Variants in WDR1 observed in about 807,000 individuals in gnomAD.
The protein encoded by WDR1 is WD repeat domain 1, also known as WD repeat-containing protein 1.
WDR1 carries 21 observed loss-of-function variants against 71.9 expected under a neutral mutation model. The observed-to-expected ratio is 0.29, with a 90% CI of 0.21 to 0.42. The LOEUF (loss-of-function observed/expected upper bound fraction) is 0.42. Among genes scored for constraint, WDR1 ranks in the 10% least tolerant of loss-of-function variants. WDR1 has a pLI of 1.00. For synonymous variants in WDR1, 424 were observed against 347.4 expected, an observed-to-expected ratio of 1.22 and a Z score of -2.45; for missense variants, 696 against 824.5, an observed-to-expected ratio of 0.84 and a Z score of 1.91.
At chr4:10,087,306 C>T (rs1334196994) in intron 8 of WDR1, among the ~76,000 whole-genome samples, 3 of 152,274 alleles carry the variant, frequency 2.0e-5, no homozygotes, top group Admixed American at 6.5e-5. Flanking sequence ...AGCGATGCCC[C>T]GTCACCTGCC....
chr4:10,075,848 C>G, intron 14 of WDR1: 1 of 327,620 alleles, frequency 3.1e-6, no homozygotes. Context: ...ACCACACAAA[C>G]AGCTACACTG....
intron 5 of WDR1, chr4:10,091,494 G>A (rs1248643083): frequency 2.6e-5 from 4 of 152,286 alleles, no homozygotes; most frequent in Non-Finnish European, 5.9e-5. Flanking sequence ...ACCAGGCCTG[G>A]AGCAGCGGGT....
intron 3 of WDR1, among the ~76,000 whole-genome samples, chr4:10,099,966 G>T (rs1002171185): frequency 9.9e-5 from 15 of 152,172 alleles, no homozygotes; most frequent in African/African-American, 3.1e-4. Flanking sequence ...CCACGATCCT[G>T]TCACCAAGTA....
rs1361577788 is a variant in WDR1, at chr4:10,074,994, GC to G, written c.*383del. On this transcript the variant is annotated 3_prime_UTR_variant, in exon 15 of 15. Transcript: ENST00000499869. ...AAATGTTCTGCAGGCAGGAACATGA[GC>G]CCCCCGGCTCATTCACCTGTACAAC... is the stretch of plus-strand genomic sequence containing the variant. 2.8e-5 allele frequency: 8 copies of G among 289,236 alleles called. No individual in the cohort carries two copies. Among genetic ancestry groups the G allele is most frequent in the Non-Finnish European group, 4.5e-5 (7 of 154,806 alleles). 17.9% of individuals were successfully genotyped at this position (289,236 alleles called of 1,614,324 possible). A position where few individuals can be genotyped will look rare whatever the true frequency, so the allele number is the denominator to read the frequency against.
chr4:10,116,377 G>A (rs981409379), intron 1 of WDR1, 143 bp from the exon 2 acceptor site: 14 of 1,266,206 alleles, frequency 1.1e-5, no homozygotes, highest in African/African-American at 6.0e-5. Flanking sequence ...ACGAGCGCCA[G>A]GAACCGCGCG....
At chr4:10,116,628 G>T in intron 1 of WDR1, 23 bp downstream of exon 1, 2 of 1,235,542 alleles carry the variant, frequency 1.6e-6, no homozygotes, top group South Asian at 3.1e-5. Context: ...GGCCGCTCGG[G>T]GGCCCCGCGC....
At chr4:10,089,234 G>C (rs897415375) in intron 5 of WDR1, among the ~76,000 whole-genome samples, 1 of 152,134 alleles carries the variant, frequency 6.6e-6, no homozygotes, top group Non-Finnish European at 1.5e-5. Flanking sequence ...TCAGCCTCCC[G>C]AGTAGCTGGG....
At chr4:10,076,490 T>A (rs181906633) in intron 14 of WDR1, 77 of 152,386 alleles carry the variant, frequency 5.1e-4, no homozygotes, top group African/African-American at 1.8e-3. Flanking sequence ...TCTGGATCCA[T>A]TTCATTCATG....
intron 11 of WDR1, 101 bp downstream of exon 11, chr4:10,081,256 A>C: frequency 8.6e-7 from 1 of 1,157,152 alleles, no homozygotes; most frequent in Non-Finnish European, 1.3e-6. Flanking sequence ...CTCAACCAAA[A>C]CACTGGCTAG....
intron 2 of WDR1, among the ~76,000 whole-genome samples, chr4:10,115,371 G>T (rs1713648516): frequency 6.6e-6 from 1 of 152,250 alleles, no homozygotes; most frequent in African/African-American, 2.4e-5. Flanking sequence ...TTTTCAGCCT[G>T]GGTACCGGAG....
chr4:10,091,442 G>A (rs1343092784), intron 5 of WDR1: 2 of 152,226 alleles, frequency 1.3e-5, no homozygotes, highest in Non-Finnish European at 2.9e-5. Flanking sequence ...TACCCCCCGA[G>A]GGGCCATGGA....
chr4:10,084,613 TG>T (rs1386116260), intron 8 of WDR1, 83 bp from the exon 9 acceptor site: 16 of 1,225,566 alleles, frequency 1.3e-5, no homozygotes, highest in Non-Finnish European at 1.5e-5. Context: ...ACGAAGCTTC[TG>T]GGTAATGGAG....
chr4:10,098,164 C>T (rs771913360), intron 4 of WDR1, among the ~76,000 whole-genome samples: 1 of 152,170 alleles, frequency 6.6e-6, no homozygotes, highest in African/African-American at 2.4e-5. Context: ...CGCCACAGGG[C>T]CCAGGGCTAT....
At position 10,075,169 on chromosome 4, in the gene WDR1, T is replaced by C. The variant is rs1764751569; in HGVS notation, c.*209A>G. ...ACACATTGTTTAGGTGCTCGCTTTA[T>C]TTTTCATGTGCAAACTGTTACTGTC... On this transcript the variant is annotated 3_prime_UTR_variant, in exon 15 of 15. Transcript: ENST00000499869. The C allele has an allele frequency of 1.8e-6, 1 of 547,122 alleles. No individual in the cohort carries two copies. Among genetic ancestry groups the C allele is most frequent in the African/African-American group, 1.9e-5 (1 of 53,048 alleles). The allele number at this position is 547,122 out of a possible 1,614,324, so 33.9% of individuals were successfully genotyped here.
At chr4:10,084,621 G>A in intron 8 of WDR1, 91 bp from the exon 9 acceptor site, 1 of 1,233,774 alleles carries the variant, frequency 8.1e-7, no homozygotes, top group East Asian at 2.5e-5. Flanking sequence ...TCTGGGTAAT[G>A]GAGGGGGCAG....
intron 2 of WDR1, among the ~76,000 whole-genome samples, chr4:10,111,828 A>G (rs1713385635): frequency 7.2e-6 from 1 of 138,320 alleles, no homozygotes; most frequent in African/African-American, 2.6e-5. Context: ...CCCCTGTTCA[A>G]GGAGAAAAGT....
intron 3 of WDR1, among the ~76,000 whole-genome samples, chr4:10,100,487 A>T (rs1712621236): frequency 6.6e-6 from 1 of 152,270 alleles, no homozygotes; most frequent in African/African-American, 2.4e-5. Flanking sequence ...CAGGCCACGA[A>T]GATGCCTTGC....
At chr4:10,100,258 G>C (rs1221423892) in intron 3 of WDR1, among the ~76,000 whole-genome samples, 1 of 152,194 alleles carries the variant, frequency 6.6e-6, no homozygotes, top group Non-Finnish European at 1.5e-5. Context: ...GGGGCCCTGG[G>C]TTCAAATCCA....
intron 3 of WDR1, among the ~76,000 whole-genome samples, chr4:10,103,413 C>G (rs1241349027): frequency 6.6e-6 from 1 of 152,134 alleles, no homozygotes; most frequent in African/African-American, 2.4e-5. Context: ...GACCTCCAAG[C>G]TGGAACTAAC....
Sources: allele counts gnomAD v4.1 joint callset (sites outside exome capture counted in the v4.1 genomes callset), GRCh38; gene constraint gnomAD v4.1.1; transcripts MANE v1.5; gene names NCBI Gene and HGNC (gene_info 2026-07-23, HGNC 2026-07-21).